RBFOX3: variants seen among roughly 807,000 people sequenced by gnomAD.
RBFOX3 encodes RNA binding fox-1 homolog 3.
In RBFOX3, 17 loss-of-function variants were observed where a neutral mutation model predicts 48.7. The ratio of observed to expected loss-of-function variants is 0.35; its 90% confidence interval spans 0.24 to 0.52. The LOEUF (loss-of-function observed/expected upper bound fraction) is 0.52. Ranked by LOEUF, RBFOX3 falls within the 20% of genes least tolerant of loss-of-function variation. RBFOX3 has a pLI of 0.94. For missense variants in RBFOX3, 382 were observed against 497.5 expected, an observed-to-expected ratio of 0.77 and a Z score of 2.21; for synonymous variants, 212 against 209.5, an observed-to-expected ratio of 1.01 and a Z score of -0.10.
At position 79,471,340 on chromosome 17, in the gene RBFOX3, C is replaced by T. The variant is rs1464010066; in HGVS notation, c.-175+11114G>A. ...GGCAAAGCATTTTGCAAAGAGCGTG[C>T]AGGGCCGGGCAAAATACTAAATAAT... is the stretch of plus-strand genomic sequence containing the variant. On this transcript the variant is annotated intron_variant, in intron 2 of 14. Transcript: ENST00000693108. The surrounding 1 kb of genome is among the most constrained non-coding windows in gnomAD (Gnocchi z 4.0). 3.9e-5 allele frequency among the ~76,000 whole-genome samples: 6 copies of T among 152,182 alleles called. 1 individual carries two copies. The highest frequency in any genetic ancestry group is 9.7e-5 in the African/African-American group (4 of 41,436).
intron 4 of RBFOX3, among the ~76,000 whole-genome samples, chr17:79,154,726 G>A (rs1186905320): frequency 2.0e-5 from 3 of 152,256 alleles, no homozygotes; most frequent in Non-Finnish European, 2.9e-5. Context: ...CCTTGGAGCT[G>A]CTGGCCCCTG....
Position 79,421,898 on chromosome 17 carries a change from A to C in RBFOX3, c.-175+60556T>G, listed in dbSNP as rs537841664. 1.3e-5 allele frequency among the ~76,000 whole-genome samples: 2 copies of C among 152,172 alleles called. No homozygotes were observed. The highest frequency in any genetic ancestry group is 4.2e-4 in the South Asian group (2 of 4,812). ...GTTCCAGGAACCCACGCCCCACCCC[A>C]AGCTGCCCGGTCCTCAGCAACTGGC... On this transcript the variant is annotated intron_variant, in intron 2 of 14. Coordinates refer to ENST00000693108, the MANE Select transcript of RBFOX3 (RefSeq NM_001350451.2). This position sits in a 1 kb window ranked among gnomAD's most constrained non-coding sequence, Gnocchi z 4.5.
chr17:79,461,924 C>T (rs2149269308), intron 2 of RBFOX3, among the ~76,000 whole-genome samples: 1 of 152,340 alleles, frequency 6.6e-6, no homozygotes, highest in South Asian at 2.1e-4. Context: ...GAAGTTCTTC[C>T]TCAAAGCCTC....
intron 14 of RBFOX3, chr17:79,092,480 C>T (rs1237226976): frequency 7.1e-6 from 7 of 985,840 alleles, no homozygotes; most frequent in South Asian, 9.4e-5. Flanking sequence ...GCCAGCCGTG[C>T]GTGTCGCTGA....
intron 3 of RBFOX3, among the ~76,000 whole-genome samples, chr17:79,261,488 G>A (rs1274240880): frequency 2.0e-5 from 3 of 152,220 alleles, no homozygotes; most frequent in African/African-American, 4.8e-5. Context: ...AGGTGGAGGC[G>A]CTGTACTGCC....
intron 1 of RBFOX3, among the ~76,000 whole-genome samples, chr17:79,537,416 A>G (rs1158358567): frequency 6.6e-6 from 1 of 152,176 alleles, no homozygotes; most frequent in East Asian, 1.9e-4. Context: ...AAATCTGTAA[A>G]GACCCTATTT....
intron 1 of RBFOX3, among the ~76,000 whole-genome samples, chr17:79,571,757 G>A (rs1043115442): frequency 3.3e-5 from 5 of 152,244 alleles, no homozygotes; most frequent in South Asian, 2.1e-4. Flanking sequence ...TGAACTTGCT[G>A]CAGGGGGTCT....
At chr17:79,581,509 C>T (rs2093058912) in intron 1 of RBFOX3, among the ~76,000 whole-genome samples, 1 of 152,246 alleles carries the variant, frequency 6.6e-6, no homozygotes, top group African/African-American at 2.4e-5. Context: ...TCACTCACCG[C>T]TGCCATTTCC....
intron 4 of RBFOX3, among the ~76,000 whole-genome samples, chr17:79,159,181 C>T (rs886590868): frequency 1.8e-4 from 28 of 152,270 alleles, no homozygotes; most frequent in African/African-American, 5.3e-4. Flanking sequence ...GCTGGGTGGC[C>T]AGGGAGGCTC....
At chr17:79,602,648 T>G (rs1423767696) in intron 1 of RBFOX3, among the ~76,000 whole-genome samples, 1 of 152,080 alleles carries the variant, frequency 6.6e-6, no homozygotes, top group East Asian at 1.9e-4. Flanking sequence ...CCAGAAAGAA[T>G]AAAAGCACAC....
At chr17:79,439,107 G>A (rs1477470570) in intron 2 of RBFOX3, among the ~76,000 whole-genome samples, 1 of 152,246 alleles carries the variant, frequency 6.6e-6, no homozygotes, top group African/African-American at 2.4e-5. Context: ...CTCTGGCGCT[G>A]AGCAGGGCCC....
intron 1 of RBFOX3, among the ~76,000 whole-genome samples, chr17:79,499,119 TCCATCCATCCACCCAC>T (rs370788497): frequency 7.8e-4 from 116 of 149,162 alleles, no homozygotes; most frequent in African/African-American, 2.8e-3. Context: ...CACTTATCCA[TCCATCCATCCACCCAC>T]CCATCCATTC....
intron 3 of RBFOX3, among the ~76,000 whole-genome samples, chr17:79,267,267 C>T (rs911449475): frequency 6.6e-6 from 1 of 152,120 alleles, no homozygotes; most frequent in African/African-American, 2.4e-5. Flanking sequence ...TTTGGCGGGT[C>T]GCTGAAACTT....
At chr17:79,451,996 G>A (rs2073609695) in intron 2 of RBFOX3, among the ~76,000 whole-genome samples, 1 of 152,192 alleles carries the variant, frequency 6.6e-6, no homozygotes, top group African/African-American at 2.4e-5. Context: ...GCTCTTTTGA[G>A]TCCTAGAGAG....
chr17:79,509,717 C>T (rs1470329173), intron 1 of RBFOX3, among the ~76,000 whole-genome samples: 1 of 151,976 alleles, frequency 6.6e-6, no homozygotes, highest in Non-Finnish European at 1.5e-5. Flanking sequence ...CCCAGGCCCT[C>T]GGTGACAGCT....
intron 1 of RBFOX3, among the ~76,000 whole-genome samples, chr17:79,527,438 G>A (rs932618278): frequency 1.8e-4 from 28 of 152,330 alleles, no homozygotes; most frequent in East Asian, 1.4e-3. Flanking sequence ...GCACGGTTCC[G>A]CAGCTGTGCC....
chr17:79,532,006 C>T (rs1427901567), intron 1 of RBFOX3, among the ~76,000 whole-genome samples: 2 of 152,188 alleles, frequency 1.3e-5, no homozygotes, highest in African/African-American at 4.8e-5. Flanking sequence ...GACCCTTGAA[C>T]CCAGATTCTG....
At chr17:79,523,887 C>T (rs1438215659) in intron 1 of RBFOX3, among the ~76,000 whole-genome samples, 7 of 152,190 alleles carry the variant, frequency 4.6e-5, no homozygotes, top group African/African-American at 1.7e-4. Context: ...TCCCCCACAG[C>T]CTCTCCACAC....
rs888440953 is a variant in RBFOX3, at chr17:79,558,134, C to T, written c.-320+52692G>A. The stretch of plus-strand genomic sequence containing the variant: ...TCGCAGACCAGCTTGTGATGTCACA[C>T]GGGGAGGGTGATTTGTGTTTTGTTC... On this transcript the variant is annotated intron_variant, in intron 1 of 14. Coordinates refer to ENST00000693108, the MANE Select transcript of RBFOX3 (RefSeq NM_001350451.2). Among the ~76,000 whole-genome samples the T allele has an allele frequency of 4.1e-3, 619 of 152,184 alleles. 18 individuals are homozygous for T. Among genetic ancestry groups the T allele is most frequent in the Admixed American group, 0.034 (524 of 15,302 alleles).
Sources: allele counts gnomAD v4.1 joint callset (sites outside exome capture counted in the v4.1 genomes callset), GRCh38; gene constraint gnomAD v4.1.1; non-coding constraint Gnocchi (gnomAD v3.1); transcripts MANE v1.5; gene names NCBI Gene and HGNC (gene_info 2026-07-23, HGNC 2026-07-21).